MME: variants seen among roughly 807,000 people sequenced by gnomAD.
MME encodes the protein neprilysin.
Under a neutral mutation model 113.2 loss-of-function variants are expected in MME, and 98 were observed. The ratio of observed to expected loss-of-function variants is 0.87; its 90% CI spans 0.74 to 1.02. MME has a LOEUF of 1.02. MME is among the 50% of genes least tolerant of loss of function. The pLI is 0.00. For synonymous variants in MME, 292 were observed against 300.6 expected, an observed-to-expected ratio of 0.97 and a Z score of 0.30; for missense variants, 836 against 896.0, an observed-to-expected ratio of 0.93 and a Z score of 0.86.
chr3:155,063,642 T>C (rs1371153352), intron 1 of MME, among the ~76,000 whole-genome samples: 1 of 123,350 alleles, frequency 8.1e-6, no homozygotes, highest in Admixed American at 1.1e-4. Context: ...TTTGATTATA[T>C]ATTATATTTG....
Position 155,099,351 on chromosome 3 carries a change from A to G in MME, c.196+14257A>G, listed in dbSNP as rs78978915. 9.4e-3 allele frequency among the ~76,000 whole-genome samples: 1,437 copies of G among 152,306 alleles called. 19 individuals are homozygous for G. Among genetic ancestry groups the G allele is most frequent in the African/African-American group, 0.033 (1,380 of 41,554 alleles). ...TGAATCAATGAGTTCTTATCTTAAA[A>G]CAATATGTTCTGTTTAAACATTTCT... On this transcript the variant is annotated intron_variant, in intron 3 of 22. Coordinates refer to ENST00000360490, the MANE Select transcript of MME (RefSeq NM_007289.4).
At chr3:155,108,107 A>G (rs1284960118) in intron 3 of MME, among the ~76,000 whole-genome samples, 3 of 152,198 alleles carry the variant, frequency 2.0e-5, no homozygotes, top group Non-Finnish European at 4.4e-5. Flanking sequence ...GTGTGTCCAG[A>G]AGCCCACAGG....
chr3:155,176,216 T>C (rs1471302110), intron 22 of MME, among the ~76,000 whole-genome samples: 1 of 152,306 alleles, frequency 6.6e-6, no homozygotes, highest in East Asian at 1.9e-4. Flanking sequence ...AATAGTCAGA[T>C]AGGATATAAA....
At chr3:155,041,760 G>A (rs966608667) in intron 1 of MME, among the ~76,000 whole-genome samples, 1 of 152,150 alleles carries the variant, frequency 6.6e-6, no homozygotes, top group African/African-American at 2.4e-5. Context: ...AATTTTAATA[G>A]AAGATAAAGA....
intron 8 of MME, among the ~76,000 whole-genome samples, chr3:155,127,955 G>A (rs944984063): frequency 9.2e-5 from 14 of 152,094 alleles, no homozygotes; most frequent in African/African-American, 3.4e-4. Flanking sequence ...AGCTTAATTA[G>A]GTGCTCTTCA....
chr3:155,025,058 C>T (rs900284729), intron 1 of MME, among the ~76,000 whole-genome samples: 1 of 152,166 alleles, frequency 6.6e-6, no homozygotes, highest in Non-Finnish European at 1.5e-5. Flanking sequence ...GCAGAAAGAT[C>T]AGGCTTGTTA....
intron 3 of MME, chr3:155,112,209 C>CA (rs1718249964): frequency 6.6e-6 from 1 of 151,988 alleles, no homozygotes; most frequent in Non-Finnish European, 1.5e-5. Context: ...AATTTGCATG[C>CA]GAAAAATGAA....
chr3:155,180,060 G>A (rs1394182610), intron 22 of MME, among the ~76,000 whole-genome samples: 1 of 152,062 alleles, frequency 6.6e-6, no homozygotes, highest in Non-Finnish European at 1.5e-5. Context: ...AACTCTCCAT[G>A]ACAACCTTAA....
Position 155,172,562 on chromosome 3 carries a change from G to T in MME, c.2103G>T (p.Glu701Asp), listed in dbSNP as rs1712096520. The change falls in exon 22 of 23, where the codon GAG (glutamate) becomes GAT (aspartate). Residue 701 changes from glutamate (E) to aspartate (D), a missense_variant. Physicochemically the swap from Glu to Asp is conservative, Grantham distance 45 (BLOSUM62 2). Transcript: ENST00000360490. ...AQVWCGTYRP[E>D]YAVNSIKTDV... is the part of the protein sequence containing the mutation. ...TGTGGTGTGGAACCTATAGGCCAGA[G>T]TATGCGGTTAACTCCATTAAAACAG... 1 of 1,612,848 alleles carries T rather than the reference G, an allele frequency of 6.2e-7. No homozygotes were observed. Among genetic ancestry groups the T allele is most frequent in the Non-Finnish European group, 8.5e-7 (1 of 1,179,150 alleles).
chr3:155,103,983 T>TG (rs980400906), intron 3 of MME, among the ~76,000 whole-genome samples: 14 of 152,204 alleles, frequency 9.2e-5, no homozygotes, highest in African/African-American at 3.1e-4. Context: ...GAGCTTTACT[T>TG]GTCAACTGAA....
intron 15 of MME, among the ~76,000 whole-genome samples, chr3:155,148,303 G>A (rs1721676686): frequency 1.3e-5 from 2 of 152,034 alleles, no homozygotes. Flanking sequence ...TGTGAGGTTT[G>A]TTTGACACTT....
intron 10 of MME, 96 bp downstream of exon 10, chr3:155,140,388 G>A (rs1720978885): frequency 1.9e-6 from 1 of 528,814 alleles, no homozygotes; most frequent in South Asian, 1.7e-5. Context: ...TTTATTTATT[G>A]AAGTAAATGG....
At chr3:155,173,208 G>C (rs1170834406) in intron 22 of MME, among the ~76,000 whole-genome samples, 11 of 151,888 alleles carry the variant, frequency 7.2e-5, no homozygotes, top group African/African-American at 2.7e-4. Context: ...ACCAACATTT[G>C]AATGTTAAAT....
chr3:155,160,500 T>C (rs753200154), intron 17 of MME, 52 bp downstream of exon 17: 1 of 1,185,502 alleles, frequency 8.4e-7, no homozygotes, highest in South Asian at 1.2e-5. Flanking sequence ...GTTCCCAACC[T>C]GTAGTGCATT....
chr3:155,154,913 A>G (rs553199311), intron 16 of MME, among the ~76,000 whole-genome samples: 1 of 152,316 alleles, frequency 6.6e-6, no homozygotes, highest in African/African-American at 2.4e-5. Flanking sequence ...AGTATTAGCC[A>G]GAAAGAAGAG....
In MME at chr3:155,140,291, AG is replaced by A. The variant is rs776678738; in HGVS notation, c.957+1del. 1.9e-6 allele frequency: 3 copies of A among 1,597,190 alleles called. No homozygotes were observed. Among genetic ancestry groups the A allele is most frequent in the Non-Finnish European group, 2.6e-6 (3 of 1,165,238 alleles). On this transcript the variant is annotated frameshift_variant and splice_region_variant, in exon 10 of 23. Coordinates refer to ENST00000360490, the MANE Select transcript of MME (RefSeq NM_007289.4). LOFTEE classifies it high-confidence loss of function. ...QNNFSLEING[K>X]PFSWLNFTNE... ...AACTTTTCACTAGAGATCAATGGGA[AG>A]GTAAGTGGTAAGTTTTTTGTGCTCT...
chr3:155,074,860 T>A (rs111374211), upstream of MME, among the ~76,000 whole-genome samples: 1,078 of 152,296 alleles, frequency 7.1e-3, 13 homozygotes, highest in African/African-American at 0.024. Context: ...AGATTCACTG[T>A]AGCTTATTTA....
At chr3:155,109,502 GC>G (rs1299653049) in intron 3 of MME, among the ~76,000 whole-genome samples, 6 of 152,168 alleles carry the variant, frequency 3.9e-5, no homozygotes, top group Admixed American at 1.3e-4. Flanking sequence ...AACATAGGTT[GC>G]CATGATGTAA....
intron 21 of MME, 118 bp from the exon 22 acceptor site, chr3:155,172,418 A>G (rs1482585926): frequency 1.1e-6 from 1 of 889,478 alleles, no homozygotes; most frequent in Non-Finnish European, 1.9e-6. Context: ...TTGAAGAGCG[A>G]ATGGTTGAGG....
Sources: gnomAD v4.1 joint callset for allele counts (sites outside exome capture counted in the v4.1 genomes callset) on GRCh38, gnomAD v4.1.1 for gene constraint, MANE v1.5 for transcripts, NCBI Gene and HGNC (gene_info 2026-07-23, HGNC 2026-07-21) for gene names.